Variants in TWSG1 observed in about 807,000 individuals in gnomAD.
The protein encoded by TWSG1 is twisted gastrulation BMP signaling modulator 1, also known as twisted gastrulation protein homolog 1.
A neutral mutation model predicts 23.0 loss-of-function variants in TWSG1; 15 were observed. The ratio of observed to expected loss-of-function variants is 0.65; its 90% CI spans 0.44 to 1.00. The LOEUF is 1.00. TWSG1 is among the 50% of genes least tolerant of loss of function. TWSG1 has a pLI of 0.00. For synonymous variants in TWSG1, 86 were observed against 92.8 expected (o/e 0.93, Z 0.42); for missense variants, 242 against 278.7 (o/e 0.87, Z 0.94).
intron 3 of TWSG1, among the ~76,000 whole-genome samples, chr18:9,383,924 C>CT (rs1435260221): frequency 6.6e-6 from 1 of 151,936 alleles, no homozygotes; most frequent in Non-Finnish European, 1.5e-5. Context: ...GGAGAAATGG[C>CT]TGAGTATACA....
chr18:9,396,201 G>T, intron 3 of TWSG1, 79 bp from the exon 4 acceptor site: 13 of 895,636 alleles, frequency 1.5e-5, no homozygotes, highest in Non-Finnish European at 2.2e-5. Flanking sequence ...AATCCTAGAA[G>T]TTACATAATT....
chr18:9,385,764 G>A (rs1007533849), intron 3 of TWSG1, among the ~76,000 whole-genome samples: 1 of 151,198 alleles, frequency 6.6e-6, no homozygotes, highest in Non-Finnish European at 1.5e-5. Context: ...AAATATTTAG[G>A]ACATAAAAGA....
At chr18:9,361,399 C>CTT (rs1454498824) in intron 3 of TWSG1, among the ~76,000 whole-genome samples, 2 of 152,098 alleles carry the variant, frequency 1.3e-5, no homozygotes, top group Admixed American at 1.3e-4. Flanking sequence ...TCTGGTGACC[C>CTT]TTGGCTGTCT....
chr18:9,372,440 T>C (rs1219081959), intron 3 of TWSG1, among the ~76,000 whole-genome samples: 4 of 149,606 alleles, frequency 2.7e-5, no homozygotes, highest in South Asian at 2.1e-4. Flanking sequence ...TCTCAAAATA[T>C]CTTAATAATT....
intron 2 of TWSG1, among the ~76,000 whole-genome samples, chr18:9,350,423 A>G (rs1394172001): frequency 6.6e-6 from 1 of 152,202 alleles, no homozygotes; most frequent in Non-Finnish European, 1.5e-5. Context: ...ACATACATAA[A>G]GTAGGAAAAA....
chr18:9,336,591 A>T lies in TWSG1; in HGVS notation c.-37-602A>T, dbSNP rs184213408. Among the ~76,000 whole-genome samples, 618 of 152,224 alleles carry T rather than the reference A, an allele frequency of 4.1e-3. 6 individuals are homozygous for T. Among genetic ancestry groups the T allele is most frequent in the African/African-American group, 0.014 (597 of 41,542 alleles). ...CCATTTAAAATTTTGTTTTGATTCTAAGAATTAAAATTAAATATCTTAAAA... is the reference window on the plus strand; with the variant it reads ...CCATTTAAAATTTTGTTTTGATTCTTAGAATTAAAATTAAATATCTTAAAA... On this transcript the variant is annotated intron_variant, in intron 1 of 4. Transcript: ENST00000262120.
In TWSG1 at chr18:9,347,061, G is replaced by C. The variant is rs193049745; in HGVS notation, c.123+9709G>C. 4.4e-4 allele frequency among the ~76,000 whole-genome samples: 67 copies of C among 152,206 alleles called. No homozygotes were observed. The East Asian group carries it at 6.6e-3, about 15-fold the overall frequency. ...TAGTGGTATCATATTGTTTTAATTT[G>C]CAATTCTCTAATGACATATGATGGA... On this transcript the variant is annotated intron_variant, in intron 2 of 4. Coordinates refer to ENST00000262120, the MANE Select transcript of TWSG1 (RefSeq NM_020648.6).
At chr18:9,393,232 G>T (rs1489616367) in intron 3 of TWSG1, among the ~76,000 whole-genome samples, 2 of 152,168 alleles carry the variant, frequency 1.3e-5, no homozygotes, top group Non-Finnish European at 2.9e-5. Context: ...AATAAAATAA[G>T]GTATGCTTAT....
chr18:9,345,892 C>T lies in TWSG1; in HGVS notation c.123+8540C>T, dbSNP rs150992381. On this transcript the variant is annotated intron_variant, in intron 2 of 4. Transcript: ENST00000262120. ...AGAGTATAAAGGGTTCCCATATACCCATTCCCCCCACATATCCCCAGTTTC... is the reference window on the plus strand; with the variant it reads ...AGAGTATAAAGGGTTCCCATATACCTATTCCCCCCACATATCCCCAGTTTC... 3.5e-3 allele frequency among the ~76,000 whole-genome samples: 536 copies of T among 152,234 alleles called. 4 individuals carry two copies. Among genetic ancestry groups the T allele is most frequent in the African/African-American group, 0.012 (509 of 41,546 alleles).
chr18:9,354,843 T>C lies in TWSG1; in HGVS notation c.124-5129T>C, dbSNP rs1198958085. ...CTAGTAGATATTTTCCAAAGTCTTATATAATTAAAGAAATACTTTTAAAAT... is the reference window on the plus strand; with the variant it reads ...CTAGTAGATATTTTCCAAAGTCTTACATAATTAAAGAAATACTTTTAAAAT... On this transcript the variant is annotated intron_variant, in intron 2 of 4. Transcript: ENST00000262120. Among the ~76,000 whole-genome samples, 11 of 152,324 alleles carry C rather than the reference T, an allele frequency of 7.2e-5. No individual in the cohort carries two copies. In the South Asian group the frequency reaches 1.9e-3, roughly 26 times the overall value.
intron 3 of TWSG1, among the ~76,000 whole-genome samples, chr18:9,386,135 G>A (rs2040682658): frequency 6.8e-6 from 1 of 146,714 alleles, no homozygotes; most frequent in Non-Finnish European, 1.5e-5. Context: ...TGCCACTGAT[G>A]CCTGAGCAAC....
intron 3 of TWSG1, among the ~76,000 whole-genome samples, chr18:9,366,988 C>G (rs2040582107): frequency 6.6e-6 from 1 of 152,108 alleles, no homozygotes; most frequent in Non-Finnish European, 1.5e-5. Context: ...GTCTCTGTCA[C>G]CCAGGCTGGA....
In TWSG1 at chr18:9,396,421, C is replaced by G. The variant is rs1047445798; in HGVS notation, c.365C>G (p.Pro122Arg). The G allele has an allele frequency of 1.9e-6, 3 of 1,614,054 alleles. No individual in the cohort carries two copies. In the Admixed American group the frequency reaches 5.0e-5, roughly 27 times the overall value. The change falls in exon 4 of 5, where the codon CCT becomes CGT. Residue 122 changes from proline to arginine, a missense_variant. By Grantham distance (103) the Pro-to-Arg change is moderately radical (BLOSUM62 -2). Coordinates refer to ENST00000262120, the MANE Select transcript of TWSG1 (RefSeq NM_020648.6). Reference sequence around the variant, plus strand: ...TTGAATTGGAACATCGTTTCTTTCCCTGTTGCAGAAGAACTTTCACATCAT... The same window carrying G: ...TTGAATTGGAACATCGTTTCTTTCCGTGTTGCAGAAGAACTTTCACATCAT... Reference protein sequence around the residue: ...TQLNWNIVSFPVAEELSHHEN... With the variant: ...TQLNWNIVSFRVAEELSHHEN...
Position 9,399,350 on chromosome 18 carries a change from C to A in TWSG1, c.495C>A (p.His165Gln). ...TCTTAAATTTTTGTTTTTCAGAACA[C>A]ATGTGTACTGTGGTTTATTTTGATG... ...VHAPYSSDKE[H>Q]MCTVVYFDDC... Residue 165 changes from histidine to glutamine, a missense_variant, in exon 5 of 5, where the codon CAC (histidine) becomes CAA (glutamine). Physicochemically the swap from His to Gln is conservative, Grantham distance 24. Coordinates refer to ENST00000262120, the MANE Select transcript of TWSG1 (RefSeq NM_020648.6). 6.3e-7 allele frequency: 1 copy of A among 1,596,514 alleles called. No individual in the cohort carries two copies. The highest frequency in any genetic ancestry group is 8.5e-7 in the Non-Finnish European group (1 of 1,174,658).
chr18:9,370,949 T>A (rs547879314), intron 3 of TWSG1, among the ~76,000 whole-genome samples: 3 of 152,244 alleles, frequency 2.0e-5, no homozygotes, highest in African/African-American at 7.2e-5. Context: ...GATTTTTCTC[T>A]AAGTAGCCAA....
rs199793026 is a variant in TWSG1 at position 9,383,879 on chromosome 18, T to TA, written c.224-12400dup. Among the ~76,000 whole-genome samples, 212 of 152,254 alleles carry TA rather than the reference T, an allele frequency of 1.4e-3. 1 individual carries two copies. Among genetic ancestry groups the TA allele is most frequent in the African/African-American group, 5.0e-3 (206 of 41,548 alleles). On this transcript the variant is annotated intron_variant, in intron 3 of 4. Coordinates refer to ENST00000262120, the MANE Select transcript of TWSG1 (RefSeq NM_020648.6). The stretch of plus-strand genomic sequence containing the variant: ...AGTGGGTCCAGTGGTGGAAATGAGA[T>TA]AGTGATCCAGGTATTGAAGTTACTA...
At chr18:9,374,230 TAATC>T (rs2040618748) in intron 3 of TWSG1, among the ~76,000 whole-genome samples, 1 of 151,794 alleles carries the variant, frequency 6.6e-6, no homozygotes, top group African/African-American at 2.4e-5. Context: ...AAGAAATCAA[TAATC>T]AACGAAATCA....
rs140924466 is a variant in TWSG1, at chr18:9,352,558, C to T, written c.124-7414C>T. ...CATTCCTTTTTTATGACTGGGAAAC[C>T]GAGACTCAGGGTTGCAAACAGCTTA... On this transcript the variant is annotated intron_variant, in intron 2 of 4. Transcript: ENST00000262120. Among the ~76,000 whole-genome samples the T allele has an allele frequency of 3.3e-4, 50 of 152,174 alleles. No homozygotes were observed. The East Asian group carries it at 9.4e-3, about 29-fold the overall frequency.
At chr18:9,386,429 G>A (rs1251765294) in intron 3 of TWSG1, among the ~76,000 whole-genome samples, 4 of 150,584 alleles carry the variant, frequency 2.7e-5, no homozygotes, top group South Asian at 2.1e-4. Context: ...ACTCCAGCCC[G>A]GGTGACAGAG....
Sources: gnomAD v4.1 joint callset for allele counts (sites outside exome capture counted in the v4.1 genomes callset) on GRCh38, gnomAD v4.1.1 for gene constraint, MANE v1.5 for transcripts, NCBI Gene and HGNC (gene_info 2026-07-23, HGNC 2026-07-21) for gene names.